MEIS2: variants seen among roughly 807,000 people sequenced by gnomAD.
MEIS2 encodes homeobox protein Meis2.
Under a neutral mutation model 58.6 loss-of-function variants are expected in MEIS2, and 9 were observed. That is an observed-to-expected ratio of 0.15 (90% CI 0.09 to 0.27). The LOEUF is 0.27. Among genes scored for constraint, MEIS2 ranks in the 10% least tolerant of loss-of-function variants. The pLI is 1.00. For synonymous variants in MEIS2, 221 were observed against 228.4 expected, an observed-to-expected ratio of 0.97 and a Z score of 0.29; for missense variants, 427 against 635.0, an observed-to-expected ratio of 0.67 and a Z score of 3.52.
chr15:36,969,062 A>G (rs1018687332), intron 8 of MEIS2, among the ~76,000 whole-genome samples: 2 of 152,216 alleles, frequency 1.3e-5, no homozygotes, highest in Non-Finnish European at 1.5e-5. Flanking sequence ...ATGACATTGC[A>G]GTCATTTTTA....
chr15:37,019,087 A>G (rs1020547318), intron 8 of MEIS2, among the ~76,000 whole-genome samples: 2 of 127,504 alleles, frequency 1.6e-5, no homozygotes, highest in African/African-American at 5.2e-5. Flanking sequence ...ATTATTGAGT[A>G]CCAACCTTGT....
chr15:36,909,027 T>A (rs1276916110), intron 9 of MEIS2, among the ~76,000 whole-genome samples: 1 of 152,072 alleles, frequency 6.6e-6, no homozygotes, highest in African/African-American at 2.4e-5. Flanking sequence ...TTCTTTAGAG[T>A]CAGGTAACGT....
At chr15:37,019,016 G>C (rs2061437590) in intron 8 of MEIS2, among the ~76,000 whole-genome samples, 1 of 152,136 alleles carries the variant, frequency 6.6e-6, no homozygotes, top group Non-Finnish European at 1.5e-5. Context: ...ACTAGTCCCA[G>C]ACCACCCGCA....
chr15:37,076,275 C>T (rs1481715245), intron 7 of MEIS2, among the ~76,000 whole-genome samples: 1 of 151,942 alleles, frequency 6.6e-6, no homozygotes, highest in Admixed American at 6.6e-5. Flanking sequence ...GAAAAAATAA[C>T]ATGGCGTCAT....
intron 8 of MEIS2, among the ~76,000 whole-genome samples, chr15:36,980,822 G>A (rs2059907832): frequency 6.6e-6 from 1 of 151,964 alleles, no homozygotes; most frequent in Admixed American, 6.6e-5. Context: ...ATTTTGGTAT[G>A]TGCCTATACT....
At chr15:37,078,908 T>C (rs1891818940) in intron 7 of MEIS2, among the ~76,000 whole-genome samples, 1 of 152,048 alleles carries the variant, frequency 6.6e-6, no homozygotes, top group Non-Finnish European at 1.5e-5. Flanking sequence ...CTCAAGTAAG[T>C]TGATACATAT....
chr15:36,901,518 C>T (rs1399631467), intron 9 of MEIS2, among the ~76,000 whole-genome samples: 1 of 152,114 alleles, frequency 6.6e-6, no homozygotes, highest in East Asian at 1.9e-4. Flanking sequence ...TTCTCACAGA[C>T]AACCGTGAGC....
At position 36,890,968 on chromosome 15, in the gene MEIS2, A is replaced by G. The variant is rs2141208865; in HGVS notation, c.*1205T>C. The G allele has an allele frequency of 6.5e-6, 1 of 152,732 alleles. No homozygotes were observed. The highest frequency in any genetic ancestry group is 1.9e-4 in the East Asian group (1 of 5,188). The allele number at this position is 152,732 out of a possible 1,614,324, so 9.5% of individuals were successfully genotyped here. A position where few individuals can be genotyped will look rare whatever the true frequency, so the allele number is the denominator to read the frequency against. The stretch of plus-strand genomic sequence containing the variant: ...GGGAAAAACCTACTTTTAACACTGT[A>G]TAGAGTTGGCATTGTGCAGTCTTGT... On this transcript the variant is annotated 3_prime_UTR_variant, in exon 12 of 12. Transcript: ENST00000561208.
At chr15:36,927,310 C>CCT (rs2057788337) in intron 9 of MEIS2, among the ~76,000 whole-genome samples, 1 of 151,956 alleles carries the variant, frequency 6.6e-6, no homozygotes, top group Admixed American at 6.5e-5. Flanking sequence ...AATAAGTGGC[C>CCT]TGAGGAAGCA....
chr15:37,027,284 T>C (rs558042208), intron 8 of MEIS2, among the ~76,000 whole-genome samples: 1 of 152,190 alleles, frequency 6.6e-6, no homozygotes, highest in African/African-American at 2.4e-5. Flanking sequence ...CAGTAACACT[T>C]TCTAAAATCG....
intron 9 of MEIS2, among the ~76,000 whole-genome samples, chr15:36,946,982 C>T (rs1198237517): frequency 5.9e-5 from 9 of 151,930 alleles, no homozygotes; most frequent in Non-Finnish European, 8.8e-5. Context: ...ATATTTGGTT[C>T]GTTGCTATTC....
chr15:37,043,970 G>A (rs1173880169), intron 7 of MEIS2, among the ~76,000 whole-genome samples: 1 of 152,136 alleles, frequency 6.6e-6, no homozygotes, highest in Non-Finnish European at 1.5e-5. Context: ...ACAGGCGTGA[G>A]CCACTGTGCC....
intron 9 of MEIS2, among the ~76,000 whole-genome samples, chr15:36,946,487 T>C (rs980721806): frequency 6.6e-6 from 1 of 151,880 alleles, no homozygotes; most frequent in Non-Finnish European, 1.5e-5. Flanking sequence ...ATACAGAAGT[T>C]ATGCACAGTA....
intron 9 of MEIS2, among the ~76,000 whole-genome samples, chr15:36,946,495 G>A (rs2058571316): frequency 6.6e-6 from 1 of 151,150 alleles, no homozygotes; most frequent in East Asian, 1.9e-4. Context: ...GTTATGCACA[G>A]TAAGTTGTCT....
At chr15:36,992,175 C>T (rs924491459) in intron 8 of MEIS2, among the ~76,000 whole-genome samples, 8 of 152,004 alleles carry the variant, frequency 5.3e-5, no homozygotes, top group African/African-American at 1.9e-4. Flanking sequence ...GCTCCTTAAA[C>T]TTTTTGGTCT....
At chr15:37,068,529 T>C (rs1233802471) in intron 7 of MEIS2, among the ~76,000 whole-genome samples, 1 of 152,206 alleles carries the variant, frequency 6.6e-6, no homozygotes, top group Non-Finnish European at 1.5e-5. Flanking sequence ...AATGTGTATT[T>C]ATCACAAACT....
chr15:36,977,193 T>C (rs2059787945), intron 8 of MEIS2, among the ~76,000 whole-genome samples: 1 of 151,974 alleles, frequency 6.6e-6, no homozygotes, highest in Admixed American at 6.6e-5. Context: ...TATATAACAA[T>C]TCAATAATAA....
Position 36,897,043 on chromosome 15 carries a change from G to A in MEIS2, c.978-357C>T, listed in dbSNP as rs139596989. The A allele has an allele frequency of 4.6e-3, 942 of 204,206 alleles. 10 individuals carry two copies. The highest frequency in any genetic ancestry group is 0.019 in the African/African-American group (838 of 43,632). 12.6% of individuals were successfully genotyped at this position (204,206 alleles called of 1,614,324 possible). On this transcript the variant is annotated intron_variant, in intron 9 of 11. Coordinates refer to ENST00000561208, the MANE Select transcript of MEIS2 (RefSeq NM_170675.5). ...CCTTTCCCTAGACTCCCCGTGATAG[G>A]GAGACCCAGCTTCCCCTTGCAGCTG...
At chr15:36,999,233 T>C (rs532086343) in intron 8 of MEIS2, among the ~76,000 whole-genome samples, 1 of 152,158 alleles carries the variant, frequency 6.6e-6, no homozygotes, top group Non-Finnish European at 1.5e-5. Context: ...ATTTAATATA[T>C]AGAGTGTCTA....
Sources: allele counts gnomAD v4.1 joint callset (sites outside exome capture counted in the v4.1 genomes callset), GRCh38; gene constraint gnomAD v4.1.1; transcripts MANE v1.5; gene names NCBI Gene and HGNC (gene_info 2026-07-23, HGNC 2026-07-21).